VAC14: variants seen among roughly 807,000 people sequenced by gnomAD.
VAC14 encodes VAC14 component of PIKFYVE complex.
VAC14 carries 47 observed loss-of-function variants against 85.3 expected under a neutral mutation model. The ratio of observed to expected loss-of-function variants is 0.55; its 90% confidence interval spans 0.44 to 0.70. The LOEUF (loss-of-function observed/expected upper bound fraction) is 0.70. Ranked by LOEUF, VAC14 falls within the 30% of genes least tolerant of loss-of-function variation. The pLI is 0.00. For missense variants in VAC14, 861 were observed against 1,004.3 expected, an observed-to-expected ratio of 0.86 and a Z score of 1.93; for synonymous variants, 447 against 430.5, an observed-to-expected ratio of 1.04 and a Z score of -0.47.
intron 12 of VAC14, among the ~76,000 whole-genome samples, chr16:70,752,738 C>G (rs377526347): frequency 6.6e-6 from 1 of 152,276 alleles, no homozygotes; most frequent in Non-Finnish European, 1.5e-5. Flanking sequence ...CGCTTCCAAT[C>G]TGCTGTGGGA....
At position 70,737,383 on chromosome 16, in the gene VAC14, G is replaced by A. The variant is rs879807542; in HGVS notation, c.1529-5756C>T. 6.6e-5 allele frequency among the ~76,000 whole-genome samples: 10 copies of A among 152,308 alleles called. No homozygotes were observed. The South Asian group carries it at 1.2e-3, about 19-fold the overall frequency. ...GTGGGCAGCTGCTGCAGCAGGGGGC[G>A]AGGGAGAGGGGGGCCCACAACCCGG... On this transcript the variant is annotated intron_variant, in intron 13 of 18. Transcript: ENST00000261776.
In VAC14 at chr16:70,719,771, C is replaced by T. The variant is rs997371027; in HGVS notation, c.1661+11724G>A. Reference sequence around the variant, plus strand: ...AACTGGAACTCTCCCACAATGCTGACGGGAGTGGAAGCTGGCACAAGCACT... The same window carrying T: ...AACTGGAACTCTCCCACAATGCTGATGGGAGTGGAAGCTGGCACAAGCACT... On this transcript the variant is annotated intron_variant, in intron 14 of 18. Coordinates refer to ENST00000261776, the MANE Select transcript of VAC14 (RefSeq NM_018052.5). Among the ~76,000 whole-genome samples the T allele has an allele frequency of 1.5e-4, 23 of 152,228 alleles. No individual in the cohort carries two copies. In the East Asian group the frequency reaches 1.7e-3, roughly 12 times the overall value.
At chr16:70,770,274 T>A (rs1001031095) in intron 10 of VAC14, 5 of 152,168 alleles carry the variant, frequency 3.3e-5, no homozygotes, top group African/African-American at 1.2e-4. Flanking sequence ...AACACAGAGC[T>A]CAAACCCACC....
intron 12 of VAC14, chr16:70,756,002 TC>T (rs1243397989): frequency 8.8e-5 from 40 of 456,448 alleles, no homozygotes; most frequent in Non-Finnish European, 1.8e-4. Context: ...AAGAATTAAA[TC>T]CCTTTAAAGC....
chr16:70,773,984 AG>A (rs1215607080), intron 9 of VAC14, among the ~76,000 whole-genome samples: 1 of 150,980 alleles, frequency 6.6e-6, no homozygotes, highest in African/African-American at 2.4e-5. Flanking sequence ...CGTGTTACCC[AG>A]GCTGGTTACA....
At chr16:70,754,837 T>C (rs563283606) in intron 12 of VAC14, among the ~76,000 whole-genome samples, 1 of 152,066 alleles carries the variant, frequency 6.6e-6, no homozygotes, top group South Asian at 2.1e-4. Flanking sequence ...GGAGAGTGGA[T>C]GGAATGAAAA....
At chr16:70,760,449 G>T (rs115325454) in intron 12 of VAC14, among the ~76,000 whole-genome samples, 1 of 152,190 alleles carries the variant, frequency 6.6e-6, no homozygotes, top group South Asian at 2.1e-4. Context: ...GAAAGCAACC[G>T]GATGGGGTAA....
chr16:70,693,158 C>T lies in VAC14; in HGVS notation c.2036-187G>A, dbSNP rs1447580552. Among the ~76,000 whole-genome samples the T allele has an allele frequency of 3.3e-5, 5 of 152,216 alleles. No homozygotes were observed. In the South Asian group the frequency reaches 1.0e-3, roughly 31 times the overall value. ...TTCCAGCGAGTCAGGGGCTCCTTCA[C>T]AGCCAGTCGCGCTGCCCCCACCTCC... On this transcript the variant is annotated intron_variant, in intron 17 of 18. Coordinates refer to ENST00000261776, the MANE Select transcript of VAC14 (RefSeq NM_018052.5).
At chr16:70,693,922 G>A (rs75859469) in intron 17 of VAC14, among the ~76,000 whole-genome samples, 5,716 of 152,276 alleles carry the variant, frequency 0.038, 356 homozygotes, top group African/African-American at 0.13. Flanking sequence ...GTGTTGGTGC[G>A]CAGGGAGCAG....
chr16:70,789,552 C>G (rs1222187349), intron 1 of VAC14, among the ~76,000 whole-genome samples: 1 of 152,202 alleles, frequency 6.6e-6, no homozygotes, highest in Non-Finnish European at 1.5e-5. Context: ...ACGCGGGAGG[C>G]CCGGGTTCGA....
At chr16:70,767,911 G>T (rs2032935851) in intron 10 of VAC14, among the ~76,000 whole-genome samples, 1 of 152,054 alleles carries the variant, frequency 6.6e-6, no homozygotes, top group Non-Finnish European at 1.5e-5. Context: ...TTGAGACAGG[G>T]TCTTGCTCTG....
chr16:70,734,800 A>C (rs1338561786), intron 13 of VAC14, among the ~76,000 whole-genome samples: 1 of 152,156 alleles, frequency 6.6e-6, no homozygotes, highest in African/African-American at 2.4e-5. Flanking sequence ...AGAAACAAAA[A>C]AAAAAAACAC....
chr16:70,783,703 G>A, intron 5 of VAC14, 149 bp from the exon 6 acceptor site: 1 of 740,180 alleles, frequency 1.4e-6, no homozygotes, highest in Non-Finnish European at 2.2e-6. Context: ...GGAGGGTGCT[G>A]GCAAGGACAG....
At chr16:70,693,404 G>C (rs1327607777) in intron 17 of VAC14, among the ~76,000 whole-genome samples, 1 of 152,240 alleles carries the variant, frequency 6.6e-6, no homozygotes, top group Non-Finnish European at 1.5e-5. Flanking sequence ...TGCCAGCACG[G>C]GAGAGCTATA....
At position 70,687,747 on chromosome 16, in the gene VAC14, C is replaced by T; in HGVS notation, c.*181G>A. The stretch of plus-strand genomic sequence containing the variant: ...GGGTGCAGCTGACAGCGCTGGAGGC[C>T]TGGGGACTGGACTCTGAGAGGAGCT... On this transcript the variant is annotated 3_prime_UTR_variant, in exon 19 of 19. Transcript: ENST00000261776. 1 of 599,676 alleles carries T rather than the reference C, an allele frequency of 1.7e-6. No individual in the cohort carries two copies. The highest frequency in any genetic ancestry group is 2.5e-6 in the Non-Finnish European group (1 of 405,484). 37.1% of individuals were successfully genotyped at this position (599,676 alleles called of 1,614,324 possible).
At chr16:70,783,333 A>G in intron 6 of VAC14, 112 bp downstream of exon 6, 1 of 1,155,372 alleles carries the variant, frequency 8.7e-7, no homozygotes, top group Non-Finnish European at 1.3e-6. Flanking sequence ...AAGAGCCAGG[A>G]AGAAGAGGTG....
At position 70,785,701 on chromosome 16, in the gene VAC14, C is replaced by T. The variant is rs1404651124; in HGVS notation, c.423+1G>A. ...GTGAGGAGGAGGAGGAGGGCGGTTA[C>T]CTTGCTCAGCCCGTCAAAGAGCACG... On this transcript the variant is annotated splice_donor_variant, in intron 3 of 18. Transcript: ENST00000261776. LOFTEE classifies it high-confidence loss of function. 4 of 1,554,986 alleles carry T rather than the reference C, an allele frequency of 2.6e-6. No homozygotes were observed. The highest frequency in any genetic ancestry group is 1.9e-4 in the Middle Eastern group (1 of 5,164).
At chr16:70,733,349 T>C (rs1467635630) in intron 13 of VAC14, among the ~76,000 whole-genome samples, 1 of 152,210 alleles carries the variant, frequency 6.6e-6, no homozygotes, top group Non-Finnish European at 1.5e-5. Context: ...TTCCAAAATA[T>C]GGAATACGGC....
intron 12 of VAC14, among the ~76,000 whole-genome samples, chr16:70,759,055 C>A (rs558677775): frequency 6.6e-6 from 1 of 152,194 alleles, no homozygotes; most frequent in Non-Finnish European, 1.5e-5. Context: ...AGGCCACGCA[C>A]CCGTGGGACT....
Sources: gnomAD v4.1 joint callset for allele counts (sites outside exome capture counted in the v4.1 genomes callset) on GRCh38, gnomAD v4.1.1 for gene constraint, MANE v1.5 for transcripts, NCBI Gene and HGNC (gene_info 2026-07-23, HGNC 2026-07-21) for gene names.